The following ZFAT variants were observed in gnomAD, a reference collection of about 807,000 sequenced individuals.
The protein encoded by ZFAT is zinc finger and AT-hook domain containing, also known as zinc finger protein ZFAT.
In ZFAT, 64 loss-of-function variants were observed where a neutral mutation model predicts 117.7. The observed-to-expected ratio is 0.54, with a 90% CI of 0.44 to 0.67. The LOEUF (loss-of-function observed/expected upper bound fraction) is 0.67, where lower values mean the gene tolerates loss of function less well. Among genes scored for constraint, ZFAT ranks in the 30% least tolerant of loss-of-function variants. ZFAT has a pLI of 0.00. For missense variants in ZFAT, 1,433 were observed against 1,584.5 expected (o/e 0.90, Z 1.62); for synonymous variants, 679 against 615.0 (o/e 1.10, Z -1.54).
chr8:134,663,564 C>T (rs1832049266), intron 1 of ZFAT, among the ~76,000 whole-genome samples: 1 of 151,866 alleles, frequency 6.6e-6, no homozygotes, highest in Non-Finnish European at 1.5e-5. Context: ...TGGTGAAACC[C>T]CGTCTCCACT....
intron 1 of ZFAT, among the ~76,000 whole-genome samples, chr8:134,659,307 G>A (rs972046354): frequency 2.0e-5 from 3 of 152,092 alleles, no homozygotes; most frequent in African/African-American, 4.8e-5. Flanking sequence ...TCCCCACCTC[G>A]CTCCTGCTGG....
At chr8:134,717,785 G>A (rs1049840566), upstream of ZFAT, among the ~76,000 whole-genome samples, 2 of 151,776 alleles carry the variant, frequency 1.3e-5, no homozygotes, top group African/African-American at 2.4e-5. Context: ...CGCAACCTCC[G>A]CCTCCAGGAT....
At chr8:134,625,289 C>A (rs763518202) in intron 3 of ZFAT, among the ~76,000 whole-genome samples, 1 of 152,202 alleles carries the variant, frequency 6.6e-6, no homozygotes, top group Non-Finnish European at 1.5e-5. Context: ...TCACCCATGG[C>A]GGCCTTACAT....
At chr8:134,520,779 C>A in intron 13 of ZFAT, 104 bp downstream of exon 13, 2 of 871,420 alleles carry the variant, frequency 2.3e-6, no homozygotes, top group Non-Finnish European at 3.6e-6. Flanking sequence ...AACAGAAAAT[C>A]TAATGTTCTG....
intron 3 of ZFAT, among the ~76,000 whole-genome samples, chr8:134,620,414 C>T (rs559100562): frequency 8.0e-4 from 121 of 152,170 alleles, no homozygotes; most frequent in Non-Finnish European, 1.3e-3. Flanking sequence ...CAGTTGGCTC[C>T]CGGGTGCAAC....
chr8:134,484,147 C>T (rs2130046328), intron 15 of ZFAT, among the ~76,000 whole-genome samples: 1 of 152,284 alleles, frequency 6.6e-6, no homozygotes, highest in South Asian at 2.1e-4. Context: ...CCACAGGGCT[C>T]CAAGGGTGCC....
intron 15 of ZFAT, among the ~76,000 whole-genome samples, chr8:134,499,278 G>T (rs1586589121): frequency 1.6e-5 from 2 of 125,472 alleles, no homozygotes; most frequent in Middle Eastern, 5.6e-3. Flanking sequence ...GGTGGAGCTG[G>T]GATGCCCCCG....
At chr8:134,799,143 A>G in the ZFAT span, among the ~76,000 whole-genome samples, 1 of 152,168 alleles carries the variant, frequency 6.6e-6, no homozygotes, top group African/African-American at 2.4e-5. Flanking sequence ...AATAAAATAT[A>G]TAATTAGAAA....
At chr8:134,614,904 CACAT>C (rs1828608763) in intron 3 of ZFAT, among the ~76,000 whole-genome samples, 1 of 152,084 alleles carries the variant, frequency 6.6e-6, no homozygotes, top group Non-Finnish European at 1.5e-5. Context: ...CTAAGGCCCT[CACAT>C]ACAAATAGGT....
chr8:134,560,254 C>A (rs1378440630), intron 11 of ZFAT, among the ~76,000 whole-genome samples: 1 of 152,106 alleles, frequency 6.6e-6, no homozygotes, highest in African/African-American at 2.4e-5. Context: ...CTTTCCCTCC[C>A]TCTCTATCAC....
chr8:134,830,840 CCTGA>C, the ZFAT span, among the ~76,000 whole-genome samples: 1 of 152,166 alleles, frequency 6.6e-6, no homozygotes, highest in Admixed American at 6.5e-5. Flanking sequence ...ACAGCTAGTA[CCTGA>C]TTTAGTGATT....
intron 10 of ZFAT, among the ~76,000 whole-genome samples, chr8:134,577,270 T>C (rs1825380360): frequency 6.6e-6 from 1 of 152,234 alleles, no homozygotes; most frequent in Non-Finnish European, 1.5e-5. Context: ...AGCTATCTTT[T>C]CTAAGGTACA....
Position 134,478,598 on chromosome 8 carries a change from C to T in ZFAT, c.3616G>A (p.Glu1206Lys). The T allele has an allele frequency of 6.3e-7, 1 of 1,592,418 alleles. No individual in the cohort carries two copies. Among genetic ancestry groups the T allele is most frequent in the Non-Finnish European group, 8.5e-7 (1 of 1,169,870 alleles). The change falls in exon 16 of 16, where the codon GAG becomes AAG. Residue 1206 changes from glutamate to lysine, a missense_variant. By Grantham distance (56) the Glu-to-Lys change is moderately conservative (BLOSUM62 1). Transcript: ENST00000377838. This position sits in a 1 kb window ranked among gnomAD's most constrained non-coding sequence, Gnocchi z 5.2. ...CCCTGCGTGTAGACAGTCACCGTCT[C>T]AATGCCCTCCACGTCGTCGGAGGAC... ...VVSSDDVEGIETVTVYTQGGE... is the reference protein window; with the variant it reads ...VVSSDDVEGIKTVTVYTQGGE...
chr8:134,726,950 T>C, the ZFAT span, among the ~76,000 whole-genome samples: 54 of 152,222 alleles, frequency 3.5e-4, no homozygotes, highest in South Asian at 1.0e-3. Context: ...GCACTGGCTG[T>C]GATCAATCAT....
In ZFAT at chr8:134,584,122, A is replaced by C. The variant is rs1825900001; in HGVS notation, c.2714-117T>G. On this transcript the variant is annotated intron_variant, in intron 9 of 15. Transcript: ENST00000377838. ...TACACTTATAGATATGTATATATAA[A>C]ACATCCGTTTTGAACACAGCAGTAT... 5 of 1,157,688 alleles carry C rather than the reference A, an allele frequency of 4.3e-6. No homozygotes were observed. In the Admixed American group the frequency reaches 1.1e-4, roughly 25 times the overall value. 71.7% of individuals were successfully genotyped at this position (1,157,688 alleles called of 1,614,324 possible). A position where few individuals can be genotyped will look rare whatever the true frequency, so the allele number is the denominator to read the frequency against.
chr8:134,532,965 C>A lies in ZFAT; in HGVS notation c.2984G>T (p.Arg995Leu). 5 of 1,603,160 alleles carry A rather than the reference C, an allele frequency of 3.1e-6. No individual in the cohort carries two copies. Among genetic ancestry groups the A allele is most frequent in the Non-Finnish European group, 4.3e-6 (5 of 1,174,888 alleles). ...GCAGGAGTAATGGCAATGGGCACAG[C>A]GGAAAGGCTGCGGGGACAATGAGGA... ...MEQHVSFKPF[R>L]CAHCHYSCNI... Residue 995 changes from arginine to leucine, a missense_variant, in exon 12 of 16, where the codon CGC becomes CTC. Around this residue, in one of 5 missense-constraint regions of ZFAT, gnomAD observed 503 missense variants for 543.4 expected, o/e 0.93. Coordinates refer to ENST00000377838, the MANE Select transcript of ZFAT (RefSeq NM_020863.4).
chr8:134,506,686 T>G (rs1472344972), intron 15 of ZFAT, among the ~76,000 whole-genome samples: 1 of 152,258 alleles, frequency 6.6e-6, no homozygotes, highest in Admixed American at 6.5e-5. Flanking sequence ...TCAATTAACA[T>G]TAACAAGTCA....
rs1824717630 is a variant in ZFAT, at chr8:134,569,443, A to G, written c.2888-4022T>C. On this transcript the variant is annotated intron_variant, in intron 10 of 15. Coordinates refer to ENST00000377838, the MANE Select transcript of ZFAT (RefSeq NM_020863.4). ...ATGGAAGGAGGAATTTATACCAGCAATGGCATATCTGTGCCACTAACACAT... is the reference window on the plus strand; with the variant it reads ...ATGGAAGGAGGAATTTATACCAGCAGTGGCATATCTGTGCCACTAACACAT... Among the ~76,000 whole-genome samples, 4 of 151,660 alleles carry G rather than the reference A, an allele frequency of 2.6e-5. No homozygotes were observed. In the South Asian group the frequency reaches 8.4e-4, roughly 32 times the overall value.
At chr8:134,637,825 A>G (rs1037280206) in intron 2 of ZFAT, 113 bp from the exon 3 acceptor site, 116 of 1,407,654 alleles carry the variant, frequency 8.2e-5, no homozygotes, top group Non-Finnish European at 1.0e-4. Flanking sequence ...TTAAAAATGA[A>G]AAGTCTAAAG....
Sources: allele counts gnomAD v4.1 joint callset (sites outside exome capture counted in the v4.1 genomes callset), GRCh38; gene constraint gnomAD v4.1.1; regional missense constraint gnomAD v4.1.1; non-coding constraint Gnocchi (gnomAD v3.1); transcripts MANE v1.5; gene names NCBI Gene and HGNC (gene_info 2026-07-23, HGNC 2026-07-21).